Variants in CADPS2 observed in about 807,000 individuals in gnomAD.
CADPS2 encodes the protein calcium dependent secretion activator 2.
A neutral mutation model predicts 172.5 loss-of-function variants in CADPS2; 93 were observed. The ratio of observed to expected loss-of-function variants is 0.54; its 90% CI spans 0.46 to 0.64. The LOEUF (loss-of-function observed/expected upper bound fraction) is 0.64. Among genes scored for constraint, CADPS2 ranks in the 30% least tolerant of loss-of-function variants. CADPS2 has a pLI of 0.00. For missense variants in CADPS2, 1,420 were observed against 1,565.9 expected (o/e 0.91, Z 1.57); for synonymous variants, 546 against 555.2 (o/e 0.98, Z 0.23).
At chr7:122,691,499 C>T (rs2136050587) in intron 2 of CADPS2, among the ~76,000 whole-genome samples, 1 of 152,302 alleles carries the variant, frequency 6.6e-6, no homozygotes, top group African/African-American at 2.4e-5. Context: ...ACTGAAGAGC[C>T]TGCTTGGCTG....
intron 6 of CADPS2, among the ~76,000 whole-genome samples, chr7:122,605,165 A>G (rs1257420307): frequency 2.6e-5 from 4 of 152,156 alleles, no homozygotes; most frequent in African/African-American, 4.8e-5. Flanking sequence ...GGCACTTACC[A>G]TGAAAGGAAA....
At chr7:122,468,670 G>C (rs1048694607) in intron 14 of CADPS2, among the ~76,000 whole-genome samples, 1 of 152,248 alleles carries the variant, frequency 6.6e-6, no homozygotes, top group Non-Finnish European at 1.5e-5. Flanking sequence ...GTTTCAGAAA[G>C]GTTAAGTGAT....
intron 6 of CADPS2, chr7:122,585,893 T>C (rs2069596761): frequency 6.6e-6 from 1 of 151,994 alleles, no homozygotes; most frequent in Non-Finnish European, 1.5e-5. Flanking sequence ...CCAAAATACA[T>C]GTTCATATCT....
At chr7:122,645,139 A>C (rs2078162667) in intron 3 of CADPS2, among the ~76,000 whole-genome samples, 1 of 150,830 alleles carries the variant, frequency 6.6e-6, no homozygotes, top group Non-Finnish European at 1.5e-5. Flanking sequence ...ATACATAAAA[A>C]CCGTGGGACT....
At chr7:122,450,308 T>C (rs1297079255) in intron 15 of CADPS2, among the ~76,000 whole-genome samples, 2 of 152,114 alleles carry the variant, frequency 1.3e-5, no homozygotes, top group East Asian at 1.9e-4. Flanking sequence ...ATCACATGCA[T>C]GCAACATAGC....
intron 1 of CADPS2, among the ~76,000 whole-genome samples, chr7:122,792,434 C>T (rs1044143054): frequency 7.9e-5 from 12 of 152,100 alleles, no homozygotes; most frequent in African/African-American, 1.9e-4. Flanking sequence ...CCAGGAAGCA[C>T]GGCCTCACGA....
chr7:122,826,929 A>G (rs1031699990), intron 1 of CADPS2, among the ~76,000 whole-genome samples: 4 of 152,172 alleles, frequency 2.6e-5, no homozygotes, highest in Non-Finnish European at 5.9e-5. Context: ...AATAATAAAC[A>G]TAAGAACGTA....
chr7:122,552,062 G>C (rs1419908426), intron 8 of CADPS2, among the ~76,000 whole-genome samples: 6 of 152,134 alleles, frequency 3.9e-5, no homozygotes, highest in Non-Finnish European at 8.8e-5. Context: ...TGAGAAAACA[G>C]AACAGATGCT....
chr7:122,584,821 A>G (rs1297494167), intron 6 of CADPS2, among the ~76,000 whole-genome samples: 4 of 151,848 alleles, frequency 2.6e-5, no homozygotes, highest in Non-Finnish European at 5.9e-5. Context: ...TTTTCTTATT[A>G]AGTTCTATTT....
intron 24 of CADPS2, among the ~76,000 whole-genome samples, chr7:122,380,423 C>T (rs780300720): frequency 1.7e-4 from 26 of 152,006 alleles, no homozygotes; most frequent in Non-Finnish European, 3.5e-4. Context: ...ACCAACTTCA[C>T]TGCTGGTTGA....
intron 28 of CADPS2, among the ~76,000 whole-genome samples, chr7:122,345,266 C>T (rs1049000299): frequency 6.6e-6 from 1 of 152,128 alleles, no homozygotes; most frequent in African/African-American, 2.4e-5. Flanking sequence ...GCTGGGATTA[C>T]AGGCATCTAC....
At chr7:122,476,881 C>T (rs1039660088) in intron 12 of CADPS2, among the ~76,000 whole-genome samples, 3 of 151,414 alleles carry the variant, frequency 2.0e-5, no homozygotes, top group Admixed American at 6.6e-5. Context: ...AACTACATTA[C>T]CATGTGGCAG....
At chr7:122,835,120 GT>G (rs978998083) in intron 1 of CADPS2, among the ~76,000 whole-genome samples, 1 of 152,238 alleles carries the variant, frequency 6.6e-6, no homozygotes, top group Non-Finnish European at 1.5e-5. Flanking sequence ...AACATTTGCT[GT>G]TCAGCAATAT....
chr7:122,401,681 A>G (rs569877276), intron 20 of CADPS2, among the ~76,000 whole-genome samples: 1 of 152,308 alleles, frequency 6.6e-6, no homozygotes, highest in African/African-American at 2.4e-5. Context: ...TTCCTTAGAT[A>G]CCATTTAAAC....
chr7:122,671,283 C>G (rs1215115194), intron 2 of CADPS2, among the ~76,000 whole-genome samples: 4 of 152,122 alleles, frequency 2.6e-5, no homozygotes, highest in African/African-American at 7.2e-5. Context: ...CAGCAAGCAC[C>G]CAGAAAATAT....
At chr7:122,716,805 A>T (rs1013772236) in intron 2 of CADPS2, among the ~76,000 whole-genome samples, 1 of 152,114 alleles carries the variant, frequency 6.6e-6, no homozygotes, top group East Asian at 1.9e-4. Context: ...TGACTCTGCT[A>T]ATATGGTGGT....
chr7:122,856,368 C>A lies in CADPS2; in HGVS notation c.339+29631G>T, dbSNP rs563576025. Among the ~76,000 whole-genome samples, 117 of 152,304 alleles carry A rather than the reference C, an allele frequency of 7.7e-4. 1 individual carries two copies. The highest frequency in any genetic ancestry group is 1.9e-4 in the East Asian group (1 of 5,186). On this transcript the variant is annotated intron_variant, in intron 1 of 29. Coordinates refer to ENST00000449022, the MANE Select transcript of CADPS2 (RefSeq NM_017954.11). ...TCCAAGGAATCATCTCTAAATCCTA[C>A]TCATTCAGTCTTGCTTGCTTCTCAC...
In CADPS2 at chr7:122,471,580, A is replaced by AAT. The variant is rs2055946887; in HGVS notation, c.1999-20_1999-19dup. ...AACCATCCCTGCAAAATAAAAAAAG[A>AAT]ATAGATATACATGTTTTTTCTTTCT... On this transcript the variant is annotated intron_variant, in intron 13 of 29. Coordinates refer to ENST00000449022, the MANE Select transcript of CADPS2 (RefSeq NM_017954.11). The AAT allele has an allele frequency of 7.1e-6, 11 of 1,540,932 alleles. No homozygotes were observed. The East Asian group carries it at 2.7e-4, about 38-fold the overall frequency.
At chr7:122,672,582 C>CA (rs36048741) in intron 2 of CADPS2, among the ~76,000 whole-genome samples, 21,362 of 152,170 alleles carry the variant, frequency 0.14, 1,580 homozygotes, top group Non-Finnish European at 0.16. Flanking sequence ...CTTGAGGTCA[C>CA]ACACCTCCTG....
Sources: gnomAD v4.1 joint callset for allele counts (sites outside exome capture counted in the v4.1 genomes callset) on GRCh38, gnomAD v4.1.1 for gene constraint, MANE v1.5 for transcripts, NCBI Gene and HGNC (gene_info 2026-07-23, HGNC 2026-07-21) for gene names.